Variants in UGT3A2 observed in about 807,000 individuals in gnomAD.
UGT3A2 encodes UDP-glycosyltransferase 3A2.
A neutral mutation model predicts 39.8 loss-of-function variants in UGT3A2; 32 were observed. That is an observed-to-expected ratio of 0.80 (90% CI 0.61 to 1.08). The LOEUF is 1.08. Among genes scored for constraint, UGT3A2 ranks in the 50% least tolerant of loss-of-function variants. The probability of loss-of-function intolerance (pLI) is 0.00; values close to 1 mark genes in which losing one functional copy is unlikely to be tolerated. For missense variants in UGT3A2, 611 were observed against 637.1 expected (o/e 0.96, Z 0.44); for synonymous variants, 241 against 230.7 (o/e 1.04, Z -0.40).
chr5:36,050,542 A>G (rs1009140686), intron 3 of UGT3A2, among the ~76,000 whole-genome samples: 25 of 152,358 alleles, frequency 1.6e-4, no homozygotes, highest in African/African-American at 6.0e-4. Flanking sequence ...TCACATAACA[A>G]AGGAAAAGTT....
intron 2 of UGT3A2, among the ~76,000 whole-genome samples, chr5:36,055,965 C>G (rs1742498611): frequency 6.6e-6 from 1 of 151,924 alleles, no homozygotes; most frequent in Non-Finnish European, 1.5e-5. Context: ...CCATGTTTTC[C>G]TTTGTTTGTT....
intron 2 of UGT3A2, among the ~76,000 whole-genome samples, chr5:36,052,405 C>G (rs188834028): frequency 2.6e-5 from 4 of 152,212 alleles, no homozygotes; most frequent in Admixed American, 2.6e-4. Context: ...ATAGAGTAGT[C>G]CCCTACATCT....
chr5:36,040,524 T>C (rs746765661), intron 4 of UGT3A2, among the ~76,000 whole-genome samples: 1 of 152,142 alleles, frequency 6.6e-6, no homozygotes, highest in Non-Finnish European at 1.5e-5. Flanking sequence ...ACAGAATCTG[T>C]GTGCTTAGGG....
chr5:36,048,154 C>T (rs1166921465), intron 4 of UGT3A2, among the ~76,000 whole-genome samples: 1 of 152,132 alleles, frequency 6.6e-6, no homozygotes, highest in African/African-American at 2.4e-5. Flanking sequence ...GATGATCACA[C>T]CTCCCTACAG....
chr5:36,056,278 A>G (rs899336368), intron 2 of UGT3A2, among the ~76,000 whole-genome samples: 9 of 152,256 alleles, frequency 5.9e-5, no homozygotes, highest in Non-Finnish European at 1.0e-4. Flanking sequence ...TACAGTCTCC[A>G]CTAGAAACAG....
At position 36,035,574 on chromosome 5, in the gene UGT3A2, G is replaced by A. The variant is rs780353464; in HGVS notation, c.*124C>T. ...AGGATGATTTTTGGCCATTTTTCCT[G>A]TTCTTCAAGAAAACAGGAGATAACT... On this transcript the variant is annotated 3_prime_UTR_variant, in exon 7 of 7. Transcript: ENST00000282507. 2.5e-5 allele frequency: 35 copies of A among 1,404,804 alleles called. 1 individual carries two copies. In the Middle Eastern group the frequency reaches 7.1e-4, roughly 28 times the overall value. 87.0% of individuals were successfully genotyped at this position (1,404,804 alleles called of 1,614,324 possible).
In UGT3A2 at chr5:36,066,838, C is replaced by T. The variant is rs775042935; in HGVS notation, c.-49G>A. ...ATCTCAGCCTGGGCTGCGCGCCCTGCGCCCGGCTAAGGGACCCTGTGCACC... is the reference window on the plus strand; with the variant it reads ...ATCTCAGCCTGGGCTGCGCGCCCTGTGCCCGGCTAAGGGACCCTGTGCACC... On this transcript the variant is annotated 5_prime_UTR_variant, in exon 1 of 7. Coordinates refer to ENST00000282507, the MANE Select transcript of UGT3A2 (RefSeq NM_174914.4). 3.8e-5 allele frequency: 61 copies of T among 1,611,196 alleles called. No individual in the cohort carries two copies. Among genetic ancestry groups the T allele is most frequent in the South Asian group, 1.8e-4 (16 of 90,996 alleles).
In UGT3A2 at chr5:36,035,947, A is replaced by G; in HGVS notation, c.1323T>C (p.Ser441=). Residue 441 remains serine (S), a synonymous_variant, in exon 7 of 7, where the codon AGT becomes AGC. Coordinates refer to ENST00000282507, the MANE Select transcript of UGT3A2 (RefSeq NM_174914.4). ...KRYKSAAVAA[S]VILRSHPLSP... is the part of the protein sequence containing the mutation. Reference sequence around the variant, plus strand: ...TGAGCGGGTGGGAGCGCAGGATGACACTGGCAGCCACTGCCGCGGACTTGT... The same window carrying G: ...TGAGCGGGTGGGAGCGCAGGATGACGCTGGCAGCCACTGCCGCGGACTTGT... 1 of 1,613,090 alleles carries G rather than the reference A, an allele frequency of 6.2e-7. No individual in the cohort carries two copies. The highest frequency in any genetic ancestry group is 8.5e-7 in the Non-Finnish European group (1 of 1,179,726).
Position 36,035,177 on chromosome 5 carries a change from C to T in UGT3A2, c.*521G>A, listed in dbSNP as rs772949384. 4.2e-4 allele frequency: 69 copies of T among 163,328 alleles called. No homozygotes were observed. The highest frequency in any genetic ancestry group is 7.9e-4 in the Non-Finnish European group (58 of 73,378). The allele number at this position is 163,328 out of a possible 1,614,324, so 10.1% of individuals were successfully genotyped here. A position where few individuals can be genotyped will look rare whatever the true frequency, so the allele number is the denominator to read the frequency against. ...GTGAGCCTGTGTCCGGCCCTGAACT[C>T]TCAAGCACAGGGCAGGCTTCCTGAG... On this transcript the variant is annotated 3_prime_UTR_variant, in exon 7 of 7. Transcript: ENST00000282507.
intron 4 of UGT3A2, among the ~76,000 whole-genome samples, chr5:36,040,858 C>T (rs1005960479): frequency 6.6e-6 from 1 of 152,184 alleles, no homozygotes; most frequent in African/African-American, 2.4e-5. Context: ...TCCCCCAACT[C>T]CAGGCAGGGC....
At position 36,066,773 on chromosome 5, in the gene UGT3A2, A is replaced by G. The variant is rs1742894703; in HGVS notation, c.17T>C (p.Val6Ala). 1.2e-6 allele frequency: 2 copies of G among 1,613,992 alleles called. No homozygotes were observed. Among genetic ancestry groups the G allele is most frequent in the Non-Finnish European group, 1.7e-6 (2 of 1,180,030 alleles). Residue 6 changes from valine to alanine, a missense_variant, in exon 1 of 7, where the codon GTG (valine) becomes GCG (alanine). Val to Ala is a moderately conservative substitution (Grantham distance 64). Transcript: ENST00000282507. MAGQRVLLLVGFLLPG... is the reference protein window; with the variant it reads MAGQRALLLVGFLLPG... The stretch of plus-strand genomic sequence containing the variant: ...GAGAAGGAAGCCCACTAGAAGAAGC[A>G]CTCGCTGCCCAGCCATGCTCACTTC...
In UGT3A2 at chr5:36,035,728, C is replaced by T. The variant is rs765858679; in HGVS notation, c.1542G>A (p.Leu514=). 1.9e-6 allele frequency: 3 copies of T among 1,614,190 alleles called. No individual in the cohort carries two copies. Among genetic ancestry groups the T allele is most frequent in the Non-Finnish European group, 1.7e-6 (2 of 1,180,034 alleles). Residue 514 remains leucine (L), a synonymous_variant, in exon 7 of 7, where the codon CTG becomes CTA. Coordinates refer to ENST00000282507, the MANE Select transcript of UGT3A2 (RefSeq NM_174914.4). ...TCTCCTTCACCTTTCTGGCCCCACG[C>T]AGCCACCAGACAGCCATGCCCAGCA... ...GKLLGMAVWW[L]RGARKVKET
Position 36,035,864 on chromosome 5 carries a change from G to A in UGT3A2, c.1406C>T (p.Thr469Met), listed in dbSNP as rs199567567. 4.4e-5 allele frequency: 71 copies of A among 1,614,166 alleles called. No homozygotes were observed. The highest frequency in any genetic ancestry group is 3.3e-4 in the Middle Eastern group (2 of 6,062). Reference protein sequence around the residue: ...IDHVLQTGGATHLKPYVFQQP... With the variant: ...IDHVLQTGGAMHLKPYVFQQP... The stretch of plus-strand genomic sequence containing the variant: ...CTGAAAGACATAGGGCTTGAGGTGC[G>A]TCGCGCCCCCTGTCTGGAGGACGTG... Residue 469 changes from threonine (T) to methionine (M), a missense_variant, in exon 7 of 7, where the codon ACG becomes ATG. Transcript: ENST00000282507.
chr5:36,043,554 T>TA (rs908250208), intron 4 of UGT3A2, among the ~76,000 whole-genome samples: 10 of 150,776 alleles, frequency 6.6e-5, no homozygotes, highest in Admixed American at 5.9e-4. Context: ...ATTTAAAATT[T>TA]AAAAAAAAGA....
chr5:36,059,840 G>A (rs1742630888), intron 2 of UGT3A2, among the ~76,000 whole-genome samples: 1 of 152,166 alleles, frequency 6.6e-6, no homozygotes, highest in African/African-American at 2.4e-5. Flanking sequence ...GATTTACTAA[G>A]GTGGGGACCA....
intron 2 of UGT3A2, among the ~76,000 whole-genome samples, chr5:36,055,969 G>GTTTGTTTCATTTCCTTTTCC (rs1403079375): frequency 1.3e-5 from 2 of 151,922 alleles, no homozygotes; most frequent in African/African-American, 2.4e-5. Context: ...GTTTTCCTTT[G>GTTTGTTTCATTTCCTTTTCC]TTTGTTTCAT....
intron 6 of UGT3A2, 41 bp from the exon 7 acceptor site, chr5:36,036,015 T>A (rs1157352904): frequency 1.3e-6 from 2 of 1,597,732 alleles, no homozygotes; most frequent in Non-Finnish European, 1.7e-6. Flanking sequence ...TAATGTGACC[T>A]CACAAGAGTT....
chr5:36,047,052 C>A (rs1018267805), intron 4 of UGT3A2, among the ~76,000 whole-genome samples: 2 of 152,202 alleles, frequency 1.3e-5, no homozygotes, highest in Non-Finnish European at 2.9e-5. Flanking sequence ...GTTTCACTAA[C>A]CCAGACTAAG....
intron 2 of UGT3A2, among the ~76,000 whole-genome samples, chr5:36,057,532 TCTCTC>T (rs891076150): frequency 5.4e-5 from 8 of 149,214 alleles, no homozygotes; most frequent in Admixed American, 1.3e-4. Context: ...TCTCTCTCTC[TCTCTC>T]TTTTTTTTTT....
Sources: allele counts gnomAD v4.1 joint callset (sites outside exome capture counted in the v4.1 genomes callset), GRCh38; gene constraint gnomAD v4.1.1; transcripts MANE v1.5; gene names NCBI Gene and HGNC (gene_info 2026-07-23, HGNC 2026-07-21).